The following PRDM5 variants were observed in gnomAD, a reference collection of about 807,000 sequenced individuals.
The protein encoded by PRDM5 is PR domain zinc finger protein 5.
PRDM5 carries 56 observed loss-of-function variants against 81.2 expected under a neutral mutation model. The observed-to-expected ratio is 0.69, with a 90% CI of 0.56 to 0.86. PRDM5 has a LOEUF of 0.86. PRDM5 is among the 40% of genes least tolerant of loss of function. PRDM5 has a pLI of 0.00. For missense variants in PRDM5, 697 were observed against 770.1 expected (o/e 0.91, Z 1.12); for synonymous variants, 267 against 256.4 (o/e 1.04, Z -0.39).
intron 8 of PRDM5, among the ~76,000 whole-genome samples, chr4:120,801,159 A>G (rs1439510038): frequency 1.3e-5 from 2 of 152,218 alleles, no homozygotes; most frequent in African/African-American, 4.8e-5. Flanking sequence ...TCCAGCTCAC[A>G]ATACTAAACC....
chr4:120,866,021 C>A (rs531748060), intron 2 of PRDM5, among the ~76,000 whole-genome samples: 1 of 152,288 alleles, frequency 6.6e-6, no homozygotes, highest in South Asian at 2.1e-4. Context: ...TTTTCTATAT[C>A]AACTCAAAAT....
At position 120,853,682 on chromosome 4, in the gene PRDM5, A is replaced by G; in HGVS notation, c.178-142T>C. The G allele has an allele frequency of 2.8e-6, 3 of 1,077,456 alleles. 1 individual carries two copies. Among genetic ancestry groups the G allele is most frequent in the Admixed American group, 3.6e-5 (2 of 55,996 alleles). The allele number at this position is 1,077,456 out of a possible 1,614,324, so 66.7% of individuals were successfully genotyped here. A position where few individuals can be genotyped will look rare whatever the true frequency, so the allele number is the denominator to read the frequency against. Reference sequence around the variant, plus strand: ...ATAAATAGAAGTTGGACTAACATGCATTCTTCTCTTAAACACATGTAGAAA... The same window carrying G: ...ATAAATAGAAGTTGGACTAACATGCGTTCTTCTCTTAAACACATGTAGAAA... On this transcript the variant is annotated intron_variant, in intron 2 of 15. Transcript: ENST00000264808.
In PRDM5 at chr4:120,798,064, C is replaced by T. The variant is rs1490424040; in HGVS notation, c.1188+203G>A. On this transcript the variant is annotated intron_variant, in intron 10 of 15. Transcript: ENST00000264808. ...AATAGCGGTGTTAAGAAAAACTAGG[C>T]ACTCTGCTTATAAGGACAGTTTCAA... Among the ~76,000 whole-genome samples the T allele has an allele frequency of 5.9e-5, 9 of 152,204 alleles. No individual in the cohort carries two copies. In the East Asian group the frequency reaches 1.7e-3, roughly 29 times the overall value.
At chr4:120,798,506 C>T (rs1489932857) in intron 9 of PRDM5, 82 bp from the exon 10 acceptor site, 1 of 1,264,338 alleles carries the variant, frequency 7.9e-7, no homozygotes, top group African/African-American at 1.5e-5. Flanking sequence ...CCTTATATTA[C>T]TTCTTACGGT....
At chr4:120,918,078 A>C (rs557394390) in intron 1 of PRDM5, among the ~76,000 whole-genome samples, 1 of 152,322 alleles carries the variant, frequency 6.6e-6, no homozygotes, top group African/African-American at 2.4e-5. Flanking sequence ...ACTAGTAACT[A>C]AAACAGTGCC....
At chr4:120,758,660 A>G (rs1298884410) in intron 13 of PRDM5, among the ~76,000 whole-genome samples, 1 of 152,082 alleles carries the variant, frequency 6.6e-6, no homozygotes, top group Non-Finnish European at 1.5e-5. Flanking sequence ...TCAGACTTAC[A>G]GCCTCCAGAA....
At chr4:120,708,941 T>G (rs1173310693) in intron 15 of PRDM5, among the ~76,000 whole-genome samples, 1 of 152,020 alleles carries the variant, frequency 6.6e-6, no homozygotes, top group East Asian at 1.9e-4. Context: ...CTTAGAAATA[T>G]GGATCTCTAC....
In PRDM5 at chr4:120,724,004, G is replaced by C. The variant is rs927798709; in HGVS notation, c.1624-13591C>G. Among the ~76,000 whole-genome samples, 3 of 135,408 alleles carry C rather than the reference G, an allele frequency of 2.2e-5. No individual in the cohort carries two copies. The South Asian group carries it at 7.2e-4, about 32-fold the overall frequency. The allele number at this position is 135,408 out of a possible 152,430, so 88.8% of individuals were successfully genotyped here. A position where few individuals can be genotyped will look rare whatever the true frequency, so the allele number is the denominator to read the frequency against. On this transcript the variant is annotated intron_variant, in intron 14 of 15. Coordinates refer to ENST00000264808, the MANE Select transcript of PRDM5 (RefSeq NM_018699.4). ...ATGGAACATTCCTGACAAGTGTATAGTCTCAGACCCAGTAATCCATCACCA... is the reference window on the plus strand; with the variant it reads ...ATGGAACATTCCTGACAAGTGTATACTCTCAGACCCAGTAATCCATCACCA...
chr4:120,808,913 G>A (rs531022621), intron 8 of PRDM5, among the ~76,000 whole-genome samples: 38 of 152,318 alleles, frequency 2.5e-4, no homozygotes, highest in African/African-American at 4.8e-4. Context: ...GCCCGCAAGC[G>A]CCGCAGGCAG....
At chr4:120,802,923 A>G (rs146110888) in intron 8 of PRDM5, among the ~76,000 whole-genome samples, 116 of 152,314 alleles carry the variant, frequency 7.6e-4, no homozygotes, top group African/African-American at 2.7e-3. Flanking sequence ...TAAAGGAAGA[A>G]GTTCAAACCC....
chr4:120,907,256 C>T (rs1209451040), intron 2 of PRDM5, among the ~76,000 whole-genome samples: 2 of 151,536 alleles, frequency 1.3e-5, no homozygotes, highest in Non-Finnish European at 2.9e-5. Context: ...ATCGCTTGAA[C>T]CTGGGGGGCG....
intron 13 of PRDM5, among the ~76,000 whole-genome samples, chr4:120,768,304 T>G (rs1746701179): frequency 6.6e-6 from 1 of 152,158 alleles, no homozygotes; most frequent in Admixed American, 6.5e-5. Context: ...ATTTTGATAG[T>G]GAATAGGTCA....
chr4:120,839,013 C>T (rs914048011), intron 3 of PRDM5: 4 of 554,358 alleles, frequency 7.2e-6, no homozygotes, highest in African/African-American at 5.6e-5. Context: ...GCAGCTGGGA[C>T]AGGCACACCG....
chr4:120,808,499 A>T (rs1325687822), intron 8 of PRDM5, among the ~76,000 whole-genome samples: 2 of 152,130 alleles, frequency 1.3e-5, no homozygotes, highest in Non-Finnish European at 2.9e-5. Flanking sequence ...TTAGCTAGAC[A>T]TAAAGGTTCT....
chr4:120,741,873 GCTTGCTTA>G (rs983415336), intron 14 of PRDM5, among the ~76,000 whole-genome samples: 1 of 152,206 alleles, frequency 6.6e-6, no homozygotes, highest in African/African-American at 2.4e-5. Flanking sequence ...CATTGCCCAG[GCTTGCTTA>G]GGTAAACAAA....
chr4:120,710,240 T>TACACACACACACAC, intron 15 of PRDM5, 69 bp downstream of exon 15: 1 of 1,026,292 alleles, frequency 9.7e-7, no homozygotes, highest in East Asian at 2.9e-5. Flanking sequence ...CACACACACA[T>TACACACACACACAC]ACACACACAC....
intron 13 of PRDM5, among the ~76,000 whole-genome samples, chr4:120,754,862 C>T (rs1246160511): frequency 2.0e-5 from 3 of 152,120 alleles, no homozygotes; most frequent in Non-Finnish European, 2.9e-5. Context: ...AGAGCACTTC[C>T]GATACTCAAA....
At position 120,922,598 on chromosome 4, in the gene PRDM5, A is replaced by G. The variant is rs1002440008; in HGVS notation, c.11T>C (p.Met4Thr). The G allele has an allele frequency of 6.2e-7, 1 of 1,607,036 alleles. No individual in the cohort carries two copies. Among genetic ancestry groups the G allele is most frequent in the Non-Finnish European group, 8.5e-7 (1 of 1,177,576 alleles). The change falls in exon 1 of 16, where the codon ATG becomes ACG. Residue 4 changes from methionine (M) to threonine (T), a missense_variant. This residue lies in a region of PRDM5 where 577 missense variants were observed against 606.7 expected (regional missense o/e 0.95). Transcript: ENST00000264808. MLG[M>T]YVPDRFSLKS... ...CAGGGAGAACCTGTCCGGCACGTAC[A>G]TGCCCAGCATTTTCCCGGGCGCGGC...
chr4:120,812,567 T>C (rs1261079432), intron 7 of PRDM5: 1 of 158,106 alleles, frequency 6.3e-6, no homozygotes, highest in East Asian at 1.9e-4. Flanking sequence ...GCCATTTGTC[T>C]TCTTTTGAAA....
Sources: allele counts gnomAD v4.1 joint callset (sites outside exome capture counted in the v4.1 genomes callset), GRCh38; gene constraint gnomAD v4.1.1; regional missense constraint gnomAD v4.1.1; transcripts MANE v1.5; gene names NCBI Gene and HGNC (gene_info 2026-07-23, HGNC 2026-07-21).